FRMPD4: variants seen among roughly 807,000 people sequenced by gnomAD.
FRMPD4 encodes FERM and PDZ domain containing 4, also known as FERM and PDZ domain-containing protein 4.
FRMPD4 carries 22 observed loss-of-function variants against 94.1 expected under a neutral mutation model. The observed-to-expected ratio is 0.23, with a 90% CI of 0.17 to 0.33. The LOEUF (loss-of-function observed/expected upper bound fraction) is 0.33, where lower values mean the gene tolerates loss of function less well. Among genes scored for constraint, FRMPD4 ranks in the 10% least tolerant of loss-of-function variants. The pLI is 1.00. For missense variants in FRMPD4, 1,111 were observed against 1,339.9 expected, an observed-to-expected ratio of 0.83 and a Z score of 2.67; for synonymous variants, 631 against 548.6, an observed-to-expected ratio of 1.15 and a Z score of -2.10.
chrX:12,591,925 C>CT (rs756034054), intron 2 of FRMPD4, among the ~76,000 whole-genome samples: 1 of 111,600 alleles, frequency 9.0e-6, no homozygotes, highest in Non-Finnish European at 1.9e-5. Context: ...GTCTCTCTGA[C>CT]TTTATCCTGC....
chrX:12,441,218 G>A (rs2057132963), intron 1 of FRMPD4, among the ~76,000 whole-genome samples: 1 of 111,837 alleles, frequency 8.9e-6, no homozygotes, highest in Admixed American at 9.5e-5. Context: ...GGAAGTCCAT[G>A]AAGTGCTACA....
At position 12,138,561 on chromosome X, in the gene FRMPD4, C is replaced by T. The variant is rs2055633674; in HGVS notation, c.-411C>T. ...TCTGCGCTCCTCGGTGCGTGGGGCA[C>T]GAGGGTCCGAGGGCCGGGAAGCCAG... On this transcript the variant is annotated 5_prime_UTR_variant, in exon 1 of 17. In the 5' UTR this introduces an upstream ATG that the reference lacks. Coordinates refer to ENST00000675598, the MANE Select transcript of FRMPD4 (RefSeq NM_001368397.1). 1 of 248,381 alleles carries T rather than the reference C, an allele frequency of 4.0e-6. No homozygotes were observed. 20.5% of individuals were successfully genotyped at this position (248,381 alleles called of 1,213,427 possible).
chrX:12,317,604 C>CAAAAAAAAAA, intron 1 of FRMPD4, among the ~76,000 whole-genome samples: 1 of 65,001 alleles, frequency 1.5e-5, no homozygotes, highest in African/African-American at 7.0e-5. Flanking sequence ...AAAAAAAAAA[C>CAAAAAAAAAA]AAAAAAAACA....
At chrX:12,001,252 C>T (rs184207108) in intron 3 of FRMPD4, among the ~76,000 whole-genome samples, 27 of 111,723 alleles carry the variant, frequency 2.4e-4, no homozygotes, top group African/African-American at 6.2e-4. Context: ...TTGTGCTAGC[C>T]GCTATAACAA....
chrX:12,172,050 A>G (rs1452950720), intron 1 of FRMPD4, among the ~76,000 whole-genome samples: 3 of 111,356 alleles, frequency 2.7e-5, no homozygotes, highest in African/African-American at 6.5e-5. Flanking sequence ...GAGAACTACC[A>G]TGTCAGGTCA....
intron 3 of FRMPD4, among the ~76,000 whole-genome samples, chrX:12,068,337 C>G (rs192050691): frequency 8.9e-6 from 1 of 111,781 alleles, no homozygotes; most frequent in Admixed American, 9.5e-5. Context: ...TTGTGATAAT[C>G]TGCTATAGCA....
At chrX:12,217,101 A>G (rs926990101) in intron 1 of FRMPD4, among the ~76,000 whole-genome samples, 5 of 112,243 alleles carry the variant, frequency 4.5e-5, no homozygotes, top group Non-Finnish European at 7.5e-5. Flanking sequence ...TTATTACAAT[A>G]TTTCACACAC....
intron 16 of FRMPD4, among the ~76,000 whole-genome samples, chrX:12,720,107 G>C (rs763523573): frequency 1.1e-4 from 12 of 110,110 alleles, no homozygotes; most frequent in African/African-American, 3.6e-4. Context: ...GAGGAAGAAA[G>C]AAAGAAAAGA....
Position 12,720,563 on chromosome X carries a change from G to A in FRMPD4, c.3994G>A (p.Gly1332Arg). Reference protein sequence around the residue: ...ALTEPGKERRGGMPSAWSQHP... With the variant: ...ALTEPGKERRRGMPSAWSQHP... The stretch of plus-strand genomic sequence containing the variant: ...GACAGAGCCTGGGAAGGAGAGACGA[G>A]GAGGCATGCCTTCAGCTTGGTCTCA... The change falls in exon 17 of 17, where the codon GGA (glycine) becomes AGA (arginine). Residue 1332 changes from glycine to arginine, a missense_variant. By Grantham distance (125) the Gly-to-Arg change is moderately radical. Transcript: ENST00000675598. 5.8e-6 allele frequency: 7 copies of A among 1,203,952 alleles called. No individual in the cohort carries two copies. The highest frequency in any genetic ancestry group is 7.9e-6 in the Non-Finnish European group (7 of 889,323).
At chrX:12,542,138 A>G (rs1414339024) in intron 2 of FRMPD4, among the ~76,000 whole-genome samples, 1 of 112,314 alleles carries the variant, frequency 8.9e-6, no homozygotes, top group Non-Finnish European at 1.9e-5. Context: ...TATCATACTG[A>G]ATGGGCAAAA....
At chrX:12,139,092 T>G in intron 1 of FRMPD4, 80 bp downstream of exon 1, 1 of 859,607 alleles carries the variant, frequency 1.2e-6, no homozygotes, top group Non-Finnish European at 1.6e-6. Context: ...GGAGGCTGGG[T>G]AGAGGCAAAA....
At chrX:11,911,238 TC>T (rs1304240373) in intron 3 of FRMPD4, among the ~76,000 whole-genome samples, 1 of 112,585 alleles carries the variant, frequency 8.9e-6, no homozygotes, top group Non-Finnish European at 1.9e-5. Flanking sequence ...GTTTGTCAAC[TC>T]CTGGTGTAGA....
chrX:12,256,833 C>T (rs913917191), intron 1 of FRMPD4, among the ~76,000 whole-genome samples: 1 of 112,025 alleles, frequency 8.9e-6, no homozygotes. Context: ...ACACTTGTAA[C>T]TCATTCATGG....
At chrX:12,241,461 G>A (rs1243663507) in intron 1 of FRMPD4, among the ~76,000 whole-genome samples, 2 of 112,492 alleles carry the variant, frequency 1.8e-5, no homozygotes, top group African/African-American at 6.5e-5. Context: ...CGTGGTGAAA[G>A]CACACTTCCA....
chrX:12,209,720 A>G (rs1241181620), intron 1 of FRMPD4, among the ~76,000 whole-genome samples: 1 of 112,058 alleles, frequency 8.9e-6, no homozygotes, highest in Non-Finnish European at 1.9e-5. Flanking sequence ...TTCTGGGAAG[A>G]AGTTTCCTAA....
intron 1 of FRMPD4, among the ~76,000 whole-genome samples, chrX:12,229,067 A>G (rs1270604034): frequency 8.9e-6 from 1 of 112,401 alleles, no homozygotes; most frequent in Non-Finnish European, 1.9e-5. Context: ...TTTTGCAGTT[A>G]TCTCTTTAGA....
chrX:12,561,021 G>A (rs764524106), intron 2 of FRMPD4, among the ~76,000 whole-genome samples: 2 of 108,447 alleles, frequency 1.8e-5, no homozygotes, highest in African/African-American at 6.7e-5. Flanking sequence ...CGCCCGCCTC[G>A]GCCTCCCAAA....
At chrX:12,065,175 T>C (rs2054911209) in intron 3 of FRMPD4, among the ~76,000 whole-genome samples, 1 of 112,298 alleles carries the variant, frequency 8.9e-6, no homozygotes, top group Admixed American at 9.4e-5. Flanking sequence ...CAGTGAATAC[T>C]AGAAGGAAAT....
At chrX:12,451,104 G>A (rs1294435386) in intron 1 of FRMPD4, among the ~76,000 whole-genome samples, 1 of 111,151 alleles carries the variant, frequency 9.0e-6, no homozygotes, top group Non-Finnish European at 1.9e-5. Context: ...CTTAGGATCT[G>A]CGCACTGGCT....
Sources: allele counts gnomAD v4.1 joint callset (sites outside exome capture counted in the v4.1 genomes callset), GRCh38; gene constraint gnomAD v4.1.1; transcripts MANE v1.5; gene names NCBI Gene and HGNC (gene_info 2026-07-23, HGNC 2026-07-21).